Variants in TYW1 observed in about 807,000 individuals in gnomAD.
TYW1 encodes tRNA-yW synthesizing protein 1 homolog.
TYW1 carries 46 observed loss-of-function variants against 96.2 expected under a neutral mutation model. That is an observed-to-expected ratio of 0.48 (90% CI 0.38 to 0.61). The LOEUF is 0.61. Ranked by LOEUF, TYW1 falls within the 20% of genes least tolerant of loss-of-function variation. TYW1 has a pLI of 0.00. For missense variants in TYW1, 684 were observed against 909.6 expected (o/e 0.75, Z 3.19); for synonymous variants, 274 against 323.0 (o/e 0.85, Z 1.63).
chr7:67,167,468 C>CAAAAAA (rs869281504), intron 13 of TYW1, among the ~76,000 whole-genome samples: 1 of 78,804 alleles, frequency 1.3e-5, no homozygotes, highest in African/African-American at 5.0e-5. Context: ...GACTCTGTCT[C>CAAAAAA]AAAAAAAAAA....
chr7:67,017,850 C>T lies in TYW1; in HGVS notation c.571-3C>T. On this transcript the variant is annotated splice_region_variant and splice_polypyrimidine_tract_variant and intron_variant, in intron 5 of 15. Transcript: ENST00000359626. The stretch of plus-strand genomic sequence containing the variant: ...TTTTAGCCTATCTATCTTTTCCTCA[C>T]AGGTTGGCAAAAATGTTGACAAGTG... 1 of 1,609,558 alleles carries T rather than the reference C, an allele frequency of 6.2e-7. No individual in the cohort carries two copies. The highest frequency in any genetic ancestry group is 8.5e-7 in the Non-Finnish European group (1 of 1,176,428).
At chr7:67,195,576 A>G (rs1196406089) in intron 15 of TYW1, among the ~76,000 whole-genome samples, 4 of 152,062 alleles carry the variant, frequency 2.6e-5, no homozygotes, top group African/African-American at 9.7e-5. Flanking sequence ...CTGGTTTGCA[A>G]TTTTAGAAGG....
At chr7:67,041,700 C>T (rs1795028616) in intron 7 of TYW1, among the ~76,000 whole-genome samples, 2 of 152,104 alleles carry the variant, frequency 1.3e-5, no homozygotes, top group African/African-American at 2.4e-5. Flanking sequence ...TTGTTACTGT[C>T]GAGGGAAGTA....
rs146818710 is a variant in TYW1 at position 67,054,421 on chromosome 7, C to T, written c.1103-1414C>T. Among the ~76,000 whole-genome samples, 628 of 152,222 alleles carry T rather than the reference C, an allele frequency of 4.1e-3. 2 individuals carry two copies. The highest frequency in any genetic ancestry group is 7.8e-3 in the Admixed American group (120 of 15,288). ...ATTCCAAGAGAAGAACTAGAATTTC[C>T]TCTGGGGATCTTTTAAATGCATATT... On this transcript the variant is annotated intron_variant, in intron 8 of 15. Transcript: ENST00000359626.
intron 9 of TYW1, among the ~76,000 whole-genome samples, chr7:67,065,707 C>T (rs1795834825): frequency 6.6e-6 from 1 of 150,396 alleles, no homozygotes; most frequent in Non-Finnish European, 1.5e-5. Flanking sequence ...AGTAAATAAG[C>T]TAGTAGACAT....
chr7:67,175,876 T>C (rs1488762636), intron 13 of TYW1, among the ~76,000 whole-genome samples: 1 of 152,192 alleles, frequency 6.6e-6, no homozygotes, highest in Non-Finnish European at 1.5e-5. Flanking sequence ...ACTATATTTA[T>C]CACCACTTCC....
chr7:67,135,893 CA>C (rs1294163936), intron 13 of TYW1, among the ~76,000 whole-genome samples: 1 of 152,194 alleles, frequency 6.6e-6, no homozygotes, highest in African/African-American at 2.4e-5. Flanking sequence ...ACATTCTTAT[CA>C]TAAGTTCTTT....
chr7:67,177,058 T>G (rs1343191417), intron 13 of TYW1, among the ~76,000 whole-genome samples: 1 of 152,160 alleles, frequency 6.6e-6, no homozygotes, highest in East Asian at 1.9e-4. Context: ...AGTGTGATAT[T>G]GAGACAATGA....
At chr7:67,164,155 G>T (rs28651697) in intron 13 of TYW1, among the ~76,000 whole-genome samples, 42,587 of 151,464 alleles carry the variant, frequency 0.28, 6,447 homozygotes, top group African/African-American at 0.4. Context: ...GGTGTAGATA[G>T]ATTTATATTA....
intron 13 of TYW1, among the ~76,000 whole-genome samples, chr7:67,168,006 G>A (rs143590309): frequency 0.024 from 3,655 of 152,140 alleles, 65 homozygotes; most frequent in Non-Finnish European, 0.037. Context: ...GCCCACCTCG[G>A]CCTCCCAAAG....
chr7:67,146,443 G>A (rs1483798189), intron 13 of TYW1, among the ~76,000 whole-genome samples: 3 of 148,034 alleles, frequency 2.0e-5, no homozygotes, highest in Admixed American at 6.8e-5. Flanking sequence ...AGGCAGATAA[G>A]GCCCCTATTT....
At position 67,025,043 on chromosome 7, in the gene TYW1, G is replaced by A. The variant is rs373158763; in HGVS notation, c.984+21G>A. ...AAAAGGTACCGTTACTTTGGGAAATGTTGCACTTGGCTCCCGCAGTTGGTT... is the reference window on the plus strand; with the variant it reads ...AAAAGGTACCGTTACTTTGGGAAATATTGCACTTGGCTCCCGCAGTTGGTT... On this transcript the variant is annotated intron_variant, in intron 7 of 15. Coordinates refer to ENST00000359626, the MANE Select transcript of TYW1 (RefSeq NM_018264.4). The A allele has an allele frequency of 2.1e-5, 34 of 1,613,170 alleles. No individual in the cohort carries two copies. In the Middle Eastern group the frequency reaches 6.6e-4, roughly 31 times the overall value.
intron 13 of TYW1, among the ~76,000 whole-genome samples, chr7:67,150,897 T>TA (rs1214752050): frequency 2.6e-5 from 4 of 152,188 alleles, no homozygotes; most frequent in Admixed American, 2.0e-4. Context: ...TAAATTTTAT[T>TA]TAATCCATTT....
intron 12 of TYW1, among the ~76,000 whole-genome samples, chr7:67,113,093 T>C (rs1378022615): frequency 2.0e-5 from 3 of 152,264 alleles, no homozygotes; most frequent in Non-Finnish European, 4.4e-5. Flanking sequence ...ATTCTCTTCC[T>C]GATGAACTCT....
At chr7:67,061,240 T>G (rs1201441114) in intron 9 of TYW1, among the ~76,000 whole-genome samples, 4 of 151,958 alleles carry the variant, frequency 2.6e-5, no homozygotes, top group African/African-American at 9.7e-5. Flanking sequence ...AAAGAAAAAT[T>G]ATCTAGTTTC....
chr7:67,180,424 A>ATATATATATATATATATT lies in TYW1; in HGVS notation c.1699-2702_1699-2701insTATATATATATATATATT, dbSNP rs1341437613. Among the ~76,000 whole-genome samples the ATATATATATATATATATT allele has an allele frequency of 1.3e-3, 108 of 81,876 alleles. 2 individuals are homozygous for ATATATATATATATATATT. Among genetic ancestry groups the ATATATATATATATATATT allele is most frequent in the Non-Finnish European group, 1.8e-3 (68 of 36,782 alleles). The allele number at this position is 81,876 out of a possible 152,430, so 53.7% of individuals were successfully genotyped here. The stretch of plus-strand genomic sequence containing the variant: ...TATATATTTATATATATATATATAT[A>ATATATATATATATATATT]ATTTTTTTTTTGGTAACTGGCCTAA... On this transcript the variant is annotated intron_variant, in intron 13 of 15. Coordinates refer to ENST00000359626, the MANE Select transcript of TYW1 (RefSeq NM_018264.4).
At chr7:67,040,431 A>G (rs1044638740) in intron 7 of TYW1, among the ~76,000 whole-genome samples, 4 of 151,976 alleles carry the variant, frequency 2.6e-5, no homozygotes, top group African/African-American at 9.7e-5. Flanking sequence ...GTGAATGTGT[A>G]ATGTTATGAC....
At chr7:67,080,765 T>G (rs972026945) in intron 10 of TYW1, among the ~76,000 whole-genome samples, 1 of 152,116 alleles carries the variant, frequency 6.6e-6, no homozygotes, top group African/African-American at 2.4e-5. Context: ...GTGTATATCT[T>G]TACAGGTGAA....
chr7:67,026,812 TGCAAC>T, intron 7 of TYW1, among the ~76,000 whole-genome samples: 1 of 151,996 alleles, frequency 6.6e-6, no homozygotes, highest in Non-Finnish European at 1.5e-5. Context: ...CAAAGACCCT[TGCAAC>T]AGAATAAAAT....
Sources: gnomAD v4.1 joint callset for allele counts (sites outside exome capture counted in the v4.1 genomes callset) on GRCh38, gnomAD v4.1.1 for gene constraint, MANE v1.5 for transcripts, NCBI Gene and HGNC (gene_info 2026-07-23, HGNC 2026-07-21) for gene names.